Variants in PRR12 observed in about 807,000 individuals in gnomAD.
PRR12 encodes the protein proline rich 12.
Under a neutral mutation model 138.0 loss-of-function variants are expected in PRR12, and 12 were observed. The ratio of observed to expected loss-of-function variants is 0.09; its 90% CI spans 0.06 to 0.14. The LOEUF (loss-of-function observed/expected upper bound fraction) is 0.14, where lower values mean the gene tolerates loss of function less well. Among genes scored for constraint, PRR12 ranks in the 10% least tolerant of loss-of-function variants. The probability of loss-of-function intolerance (pLI) is 1.00; values close to 1 mark genes in which losing one functional copy is unlikely to be tolerated. For synonymous variants in PRR12, 1,567 were observed against 1,291.7 expected, an observed-to-expected ratio of 1.21 and a Z score of -4.57; for missense variants, 2,692 against 2,861.3, an observed-to-expected ratio of 0.94 and a Z score of 1.35.
At chr19:49,621,420 C>T in intron 10 of PRR12, 105 bp from the exon 11 acceptor site, 1 of 888,554 alleles carries the variant, frequency 1.1e-6, no homozygotes, top group Non-Finnish European at 1.8e-6. Flanking sequence ...GTACTTTTGT[C>T]TCTGAGTGGG....
chr19:49,600,621 C>G (rs1056644498), intron 5 of PRR12, among the ~76,000 whole-genome samples: 6 of 151,964 alleles, frequency 3.9e-5, no homozygotes, highest in African/African-American at 1.5e-4. Context: ...CCACTGTACT[C>G]CAGCCTGGGT....
Position 49,597,370 on chromosome 19 carries a change from C to T in PRR12, c.3035C>T (p.Pro1012Leu). 1 of 1,538,352 alleles carries T rather than the reference C, an allele frequency of 6.5e-7. No homozygotes were observed. The highest frequency in any genetic ancestry group is 8.7e-7 in the Non-Finnish European group (1 of 1,146,690). Residue 1012 changes from proline to leucine, a missense_variant, in exon 4 of 14, where the codon CCC becomes CTC. Pro to Leu is a moderately conservative substitution (Grantham distance 98). Coordinates refer to ENST00000418929, the MANE Select transcript of PRR12 (RefSeq NM_020719.3). The surrounding 1 kb of genome is among the most constrained non-coding windows in gnomAD (Gnocchi z 6.3). ...GPETPGLGLD[P>L]NKPPELPSTV... ...GAGACACCGGGCCTGGGCCTGGACCCCAACAAACCGCCTGAACTGCCCTCC... is the reference window on the plus strand; with the variant it reads ...GAGACACCGGGCCTGGGCCTGGACCTCAACAAACCGCCTGAACTGCCCTCC...
Position 49,593,350 on chromosome 19 carries a change from C to T in PRR12, c.110C>T (p.Thr37Ile). The part of the protein sequence containing the change: ...KASLVYGSSR[T>I]SHPETDILHR... Reference sequence around the variant, plus strand: ...AGCTTGGTTTATGGCAGCTCCAGGACCTCGCACCCCGAGACGGACATCTTA... The same window carrying T: ...AGCTTGGTTTATGGCAGCTCCAGGATCTCGCACCCCGAGACGGACATCTTA... The change falls in exon 2 of 14, where the codon ACC becomes ATC. Residue 37 changes from threonine (T) to isoleucine (I), a missense_variant. Thr to Ile is a moderately conservative substitution (Grantham distance 89, BLOSUM62 -1). Coordinates refer to ENST00000418929, the MANE Select transcript of PRR12 (RefSeq NM_020719.3). 6.2e-7 allele frequency: 1 copy of T among 1,610,938 alleles called. No individual in the cohort carries two copies. The highest frequency in any genetic ancestry group is 8.5e-7 in the Non-Finnish European group (1 of 1,178,562).
In PRR12 at chr19:49,614,450, AAGCC is replaced by A. The variant is rs2080881638; in HGVS notation, c.4774-80_4774-77del. On this transcript the variant is annotated intron_variant, in intron 6 of 13. Coordinates refer to ENST00000418929, the MANE Select transcript of PRR12 (RefSeq NM_020719.3). The surrounding 1 kb of genome is among the most constrained non-coding windows in gnomAD (Gnocchi z 5.0). The stretch of plus-strand genomic sequence containing the variant: ...CTTTTCTCTAAGGGGATGGTGAGGG[AAGCC>A]AGTGGGCCAGGGCGTAGGGGCAGTA... 1 of 932,958 alleles carries A rather than the reference AAGCC, an allele frequency of 1.1e-6. No individual in the cohort carries two copies. The highest frequency in any genetic ancestry group is 1.6e-6 in the Non-Finnish European group (1 of 636,856). The allele number at this position is 932,958 out of a possible 1,614,324, so 57.8% of individuals were successfully genotyped here.
At chr19:49,615,103 T>C in intron 8 of PRR12, 94 bp downstream of exon 8, 1 of 1,515,196 alleles carries the variant, frequency 6.6e-7, no homozygotes, top group East Asian at 2.3e-5. Context: ...GAGTGGGGGG[T>C]GGGGACAGAG....
Position 49,601,633 on chromosome 19 carries a change from ACCGCCACCG to A in PRR12, c.4493_4501del (p.Pro1498_Pro1500del), listed in dbSNP as rs775676645. 2.2e-4 allele frequency: 342 copies of A among 1,527,900 alleles called. No homozygotes were observed. Among genetic ancestry groups the A allele is most frequent in the South Asian group, 1.5e-3 (121 of 83,020 alleles). 94.6% of individuals were successfully genotyped at this position (1,527,900 alleles called of 1,614,324 possible). A position where few individuals can be genotyped will look rare whatever the true frequency, so the allele number is the denominator to read the frequency against. On this transcript the variant is annotated inframe_deletion, in exon 6 of 14. Transcript: ENST00000418929. ...TGGTGGCCCCCACGCCCAGCTCACC[ACCGCCACCG>A]CCGCTGCCGCCGCCACCTCCACCAG...
intron 6 of PRR12, among the ~76,000 whole-genome samples, chr19:49,607,871 T>G (rs930404749): frequency 6.6e-6 from 1 of 151,540 alleles, no homozygotes; most frequent in African/African-American, 2.4e-5. Context: ...ATATAAAAAT[T>G]AGCCGGGCGT....
Position 49,625,627 on chromosome 19 carries a change from G to C in PRR12, c.*20G>C, listed in dbSNP as rs752519222. ...GGGTGACCCCGCCCCAGCTTGTGAG[G>C]GGGGCGCCTCCTCCATGAACCGAGA... On this transcript the variant is annotated 3_prime_UTR_variant, in exon 14 of 14. Transcript: ENST00000418929. This position sits in a 1 kb window ranked among gnomAD's most constrained non-coding sequence, Gnocchi z 5.5. 1.3e-6 allele frequency: 2 copies of C among 1,583,260 alleles called. No homozygotes were observed. Among genetic ancestry groups the C allele is most frequent in the Admixed American group, 1.8e-5 (1 of 57,140 alleles).
chr19:49,591,605 T>TTC lies in PRR12; in HGVS notation c.-50_-49insTC. The TTC allele has an allele frequency of 7.8e-6, 1 of 127,726 alleles. No homozygotes were observed. Among genetic ancestry groups the TTC allele is most frequent in the South Asian group, 9.3e-5 (1 of 10,790 alleles). 7.9% of individuals were successfully genotyped at this position (127,726 alleles called of 1,614,324 possible). ...CGGAGGAGAGCGCGCGCGCGCCCCC[T>TTC]CCCTCCCTCCCTCCCTCCCCCTCCC... On this transcript the variant is annotated 5_prime_UTR_variant, in exon 1 of 14. Coordinates refer to ENST00000418929, the MANE Select transcript of PRR12 (RefSeq NM_020719.3).
rs369345532 is a variant in PRR12 at position 49,597,237 on chromosome 19, C to T, written c.2902C>T (p.Pro968Ser). The change falls in exon 4 of 14, where the codon CCT (proline) becomes TCT (serine). Residue 968 changes from proline (P) to serine (S), a missense_variant. Coordinates refer to ENST00000418929, the MANE Select transcript of PRR12 (RefSeq NM_020719.3). This position sits in a 1 kb window ranked among gnomAD's most constrained non-coding sequence, Gnocchi z 6.3. ...AADDYGKAGPPEDEGDPKAGA... is the reference protein window; with the variant it reads ...AADDYGKAGPSEDEGDPKAGA... Reference sequence around the variant, plus strand: ...GGACGACTACGGCAAGGCCGGGCCACCTGAGGACGAGGGGGACCCCAAGGC... The same window carrying T: ...GGACGACTACGGCAAGGCCGGGCCATCTGAGGACGAGGGGGACCCCAAGGC... The T allele has an allele frequency of 3.2e-6, 5 of 1,570,194 alleles. No homozygotes were observed. Among genetic ancestry groups the T allele is most frequent in the Admixed American group, 1.9e-5 (1 of 53,814 alleles).
intron 6 of PRR12, among the ~76,000 whole-genome samples, chr19:49,604,372 A>G (rs1280863560): frequency 3.3e-5 from 5 of 151,886 alleles, no homozygotes; most frequent in African/African-American, 1.2e-4. Context: ...TCAAAAAAAA[A>G]AAAAAAAGGA....
intron 1 of PRR12, among the ~76,000 whole-genome samples, chr19:49,592,426 ATGTTTCCCGGGTGTG>A (rs2080734752): frequency 6.6e-6 from 1 of 151,764 alleles, no homozygotes; most frequent in African/African-American, 2.4e-5. Flanking sequence ...GAAGAGTCGG[ATGTTTCCCGGGTGTG>A]TGTTTGTGTG....
At chr19:49,593,279 C>T (rs1253755494) in intron 1 of PRR12, 48 bp from the exon 2 acceptor site, 1 of 955,046 alleles carries the variant, frequency 1.0e-6, no homozygotes, top group Non-Finnish European at 1.6e-6. Context: ...GCTTCCTTCT[C>T]AGAAGGCAGC....
intron 6 of PRR12, among the ~76,000 whole-genome samples, chr19:49,604,271 G>A (rs910304093): frequency 1.3e-5 from 2 of 151,938 alleles, no homozygotes; most frequent in African/African-American, 4.8e-5. Context: ...GAGAGACTGA[G>A]GTGAGAGGCT....
rs1176409400 is a variant in PRR12, at chr19:49,616,137, A to G, written c.5415A>G (p.Ala1805=). The change falls in exon 9 of 14, where the codon GCA becomes GCG. Residue 1805 remains alanine, a synonymous_variant. Transcript: ENST00000418929. The surrounding 1 kb of genome is among the most constrained non-coding windows in gnomAD (Gnocchi z 4.2). ...PKKRKKWLKE[A]GGNATAGGGP... is the part of the protein sequence containing the mutation. ...AGAGGAAGAAATGGCTGAAGGAGGC[A>G]GGCGGCAACGCTACAGCAGGCGGGG... 4 of 1,567,040 alleles carry G rather than the reference A, an allele frequency of 2.6e-6. No homozygotes were observed. Among genetic ancestry groups the G allele is most frequent in the Admixed American group, 1.9e-5 (1 of 52,766 alleles).
chr19:49,619,842 A>G (rs1406346370), intron 9 of PRR12, among the ~76,000 whole-genome samples: 1 of 137,980 alleles, frequency 7.2e-6, no homozygotes, highest in African/African-American at 2.8e-5. Context: ...TATGGGCTAC[A>G]ATGCCTGGCT....
intron 11 of PRR12, among the ~76,000 whole-genome samples, chr19:49,622,908 CAT>C (rs61466559): frequency 0.021 from 2,015 of 97,138 alleles, 135 homozygotes; most frequent in African/African-American, 0.089. Context: ...AAAACAAAAA[CAT>C]ATATATATAT....
At chr19:49,620,498 G>GA (rs2080916346) in intron 10 of PRR12, 21 bp downstream of exon 10, 1 of 1,542,298 alleles carries the variant, frequency 6.5e-7, no homozygotes, top group Non-Finnish European at 8.8e-7. Context: ...GCCTGGGGAG[G>GA]AGGGGGGGGG....
chr19:49,601,569 C>G lies in PRR12; in HGVS notation c.4424C>G (p.Pro1475Arg), dbSNP rs777541862. 66 of 1,541,884 alleles carry G rather than the reference C, an allele frequency of 4.3e-5. No individual in the cohort carries two copies. Among genetic ancestry groups the G allele is most frequent in the Admixed American group, 9.8e-5 (5 of 50,960 alleles). The change falls in exon 6 of 14, where the codon CCT becomes CGT. Residue 1475 changes from proline (P) to arginine (R), a missense_variant. This residue lies in a region of PRR12 where 231 missense variants were observed against 200.8 expected (regional missense o/e 1.15). Coordinates refer to ENST00000418929, the MANE Select transcript of PRR12 (RefSeq NM_020719.3). ...CCTCAGCCTCAGCCTCCGCCACCCC[C>G]TCCGCCGCCACAGCCAGCCCTGCCC... ...PTPQPQPPPPPPPPQPALPSP... is the reference protein window; with the variant it reads ...PTPQPQPPPPRPPPQPALPSP...
Sources: allele counts gnomAD v4.1 joint callset (sites outside exome capture counted in the v4.1 genomes callset), GRCh38; gene constraint gnomAD v4.1.1; regional missense constraint gnomAD v4.1.1; non-coding constraint Gnocchi (gnomAD v3.1); transcripts MANE v1.5; gene names NCBI Gene and HGNC (gene_info 2026-07-23, HGNC 2026-07-21).